Variants in MRTFA observed in about 807,000 individuals in gnomAD.
MRTFA encodes the protein myocardin-related transcription factor A.
MRTFA carries 20 observed loss-of-function variants against 83.5 expected under a neutral mutation model. That is an observed-to-expected ratio of 0.24 (90% CI 0.17 to 0.35). The LOEUF is 0.35. MRTFA is among the 10% of genes least tolerant of loss of function. The pLI is 1.00. For synonymous variants in MRTFA, 659 were observed against 541.2 expected (o/e 1.22, Z -3.02); for missense variants, 1,200 against 1,224.7 (o/e 0.98, Z 0.30).
At chr22:40,551,741 G>C (rs942226640) in intron 3 of MRTFA, among the ~76,000 whole-genome samples, 6 of 152,178 alleles carry the variant, frequency 3.9e-5, no homozygotes, top group Admixed American at 3.3e-4. Flanking sequence ...AGTCCTAAAA[G>C]ATTACTCTGA....
intron 3 of MRTFA, among the ~76,000 whole-genome samples, chr22:40,534,357 T>C (rs1317382015): frequency 6.6e-6 from 1 of 152,246 alleles, no homozygotes; most frequent in Non-Finnish European, 1.5e-5. Context: ...TAATCTGTCT[T>C]TCAGATCTGT....
intron 3 of MRTFA, among the ~76,000 whole-genome samples, chr22:40,466,964 T>C (rs575770153): frequency 2.5e-5 from 2 of 79,472 alleles, no homozygotes; most frequent in East Asian, 2.7e-4. Flanking sequence ...GTATATATTA[T>C]GCATGTATAT....
intron 1 of MRTFA, among the ~76,000 whole-genome samples, chr22:40,599,564 A>G (rs1055048341): frequency 4.6e-5 from 7 of 152,164 alleles, no homozygotes; most frequent in African/African-American, 1.7e-4. Context: ...AAAGAATGCC[A>G]CTAATCCATT....
At chr22:40,528,291 A>C (rs2055013916) in intron 3 of MRTFA, among the ~76,000 whole-genome samples, 2 of 152,190 alleles carry the variant, frequency 1.3e-5, no homozygotes, top group South Asian at 4.1e-4. Context: ...GAAAAGCCCA[A>C]AGAAAACCAA....
intron 3 of MRTFA, among the ~76,000 whole-genome samples, chr22:40,548,630 G>A (rs959489247): frequency 6.6e-6 from 1 of 152,094 alleles, no homozygotes; most frequent in Non-Finnish European, 1.5e-5. Context: ...GGAGGCCAAG[G>A]CGGGCGGATC....
chr22:40,574,082 T>A (rs1314623008), intron 2 of MRTFA, among the ~76,000 whole-genome samples: 2 of 151,780 alleles, frequency 1.3e-5, no homozygotes, highest in African/African-American at 4.8e-5. Flanking sequence ...GTTAAACTAT[T>A]CTTTTTCTTT....
chr22:40,553,918 G>T (rs187036544), intron 2 of MRTFA, among the ~76,000 whole-genome samples: 3 of 152,164 alleles, frequency 2.0e-5, no homozygotes, highest in Non-Finnish European at 2.9e-5. Flanking sequence ...GCTCAAGGCC[G>T]TGGGAGCCCA....
chr22:40,636,175 G>A (rs2056696130), intron 1 of MRTFA, among the ~76,000 whole-genome samples: 2 of 152,306 alleles, frequency 1.3e-5, no homozygotes, highest in South Asian at 2.1e-4. Context: ...GAGAAGCGAG[G>A]GCGAGGACCT....
chr22:40,490,522 C>A (rs2054255010), intron 3 of MRTFA, among the ~76,000 whole-genome samples: 1 of 151,710 alleles, frequency 6.6e-6, no homozygotes, highest in African/African-American at 2.4e-5. Flanking sequence ...TGGTATTAAC[C>A]CAGGAGGCGG....
rs35140973 is a variant in MRTFA, at chr22:40,449,274, GAAAAAAA to G, written c.308-13727_308-13721del. ...AGAACGAGACTCGGTCTCCAAACGA[GAAAAAAA>G]AAAAAAAAAAGAAAAGAAAAGAACG... On this transcript the variant is annotated intron_variant, in intron 4 of 14. Transcript: ENST00000355630. Among the ~76,000 whole-genome samples the G allele has an allele frequency of 7.4e-3, 652 of 87,998 alleles. 5 individuals carry two copies. Among genetic ancestry groups the G allele is most frequent in the African/African-American group, 0.028 (602 of 21,462 alleles). 57.7% of individuals were successfully genotyped at this position (87,998 alleles called of 152,430 possible).
intron 1 of MRTFA, among the ~76,000 whole-genome samples, chr22:40,612,697 T>C (rs891496684): frequency 2.6e-5 from 4 of 152,174 alleles, no homozygotes; most frequent in African/African-American, 9.7e-5. Flanking sequence ...CCTGTAATCC[T>C]AGCATTTTGG....
At chr22:40,461,022 G>A (rs189514340) in intron 4 of MRTFA, among the ~76,000 whole-genome samples, 1 of 151,396 alleles carries the variant, frequency 6.6e-6, no homozygotes, top group African/African-American at 2.4e-5. Context: ...AACATAGGTA[G>A]ACTCCATCTC....
At chr22:40,452,660 AT>A (rs1479625469) in intron 4 of MRTFA, among the ~76,000 whole-genome samples, 2 of 151,970 alleles carry the variant, frequency 1.3e-5, no homozygotes, top group African/African-American at 2.4e-5. Context: ...AAATACAAAA[AT>A]TAGCCGGGCG....
intron 1 of MRTFA, among the ~76,000 whole-genome samples, chr22:40,614,959 T>C (rs2056432082): frequency 6.6e-6 from 1 of 152,226 alleles, no homozygotes; most frequent in Admixed American, 6.5e-5. Flanking sequence ...TTTCTTATGG[T>C]GTCTTCTAAA....
intron 4 of MRTFA, among the ~76,000 whole-genome samples, chr22:40,449,537 A>C (rs938916810): frequency 7.2e-5 from 11 of 152,340 alleles, no homozygotes; most frequent in Admixed American, 2.0e-4. Context: ...CTTAAGAATA[A>C]TCTTTAGTAA....
At chr22:40,414,040 C>T (rs1042675651) in intron 14 of MRTFA, among the ~76,000 whole-genome samples, 3 of 152,110 alleles carry the variant, frequency 2.0e-5, no homozygotes, top group African/African-American at 4.8e-5. Flanking sequence ...AAGTTAAACA[C>T]AGAAGTTACC....
At chr22:40,452,489 A>G (rs1371075971) in intron 4 of MRTFA, among the ~76,000 whole-genome samples, 1 of 152,138 alleles carries the variant, frequency 6.6e-6, no homozygotes, top group Non-Finnish European at 1.5e-5. Flanking sequence ...CACCTGCTGT[A>G]CTTTTTAGAC....
At chr22:40,432,651 T>C (rs887046329) in intron 5 of MRTFA, among the ~76,000 whole-genome samples, 15 of 146,708 alleles carry the variant, frequency 1.0e-4, no homozygotes, top group African/African-American at 3.5e-4. Flanking sequence ...ACATTATATA[T>C]AGTAAAGGTA....
rs959036883 is a variant in MRTFA at position 40,411,275 on chromosome 22, G to C, written c.*115C>G. The stretch of plus-strand genomic sequence containing the variant: ...GCCTCCCAGGGAAGGGAAAAAGCAG[G>C]GGCTGTGATTGTCAAGACTCACAAC... On this transcript the variant is annotated 3_prime_UTR_variant, in exon 15 of 15. Coordinates refer to ENST00000355630, the MANE Select transcript of MRTFA (RefSeq NM_020831.6). 1 of 1,149,150 alleles carries C rather than the reference G, an allele frequency of 8.7e-7. No homozygotes were observed. The highest frequency in any genetic ancestry group is 1.5e-5 in the African/African-American group (1 of 64,852). 71.2% of individuals were successfully genotyped at this position (1,149,150 alleles called of 1,614,324 possible).
Sources: gnomAD v4.1 joint callset for allele counts (sites outside exome capture counted in the v4.1 genomes callset) on GRCh38, gnomAD v4.1.1 for gene constraint, MANE v1.5 for transcripts, NCBI Gene and HGNC (gene_info 2026-07-23, HGNC 2026-07-21) for gene names.